The following CTU2 variants were observed in gnomAD, a reference collection of about 807,000 sequenced individuals.
CTU2 encodes the protein cytoplasmic tRNA 2-thiolation protein 2.
Under a neutral mutation model 64.1 loss-of-function variants are expected in CTU2, and 80 were observed. The observed-to-expected ratio is 1.25, with a 90% CI of 1.04 to 1.50. The LOEUF is 1.50. Among genes scored for constraint, CTU2 ranks in the 40% most tolerant of loss-of-function variants. The pLI is 0.00. For missense variants in CTU2, 1,110 were observed against 690.2 expected (o/e 1.61, Z -6.81); for synonymous variants, 482 against 285.3 (o/e 1.69, Z -6.95).
intron 8 of CTU2, 50 bp from the exon 9 acceptor site, chr16:88,713,597 C>T: frequency 1.3e-6 from 2 of 1,589,804 alleles, no homozygotes; most frequent in Non-Finnish European, 1.7e-6. Flanking sequence ...GGAGGAGGGG[C>T]AAGCACATTC....
chr16:88,710,555 C>T, intron 4 of CTU2: 1 of 483,544 alleles, frequency 2.1e-6, no homozygotes, highest in Admixed American at 3.7e-5. Flanking sequence ...GGCCCACTCT[C>T]AGATGTGTTT....
intron 4 of CTU2, 200 bp downstream of exon 4, chr16:88,710,482 C>T (rs1387149132): frequency 1.7e-6 from 1 of 587,518 alleles, no homozygotes. Context: ...GTGTGCGGCC[C>T]ACTCTCAGAT....
rs765531292 is a variant in CTU2, at chr16:88,712,763, G to A, written c.595G>A (p.Gly199Arg). 6.2e-7 allele frequency: 1 copy of A among 1,608,462 alleles called. No homozygotes were observed. Among genetic ancestry groups the A allele is most frequent in the African/African-American group, 1.3e-5 (1 of 74,752 alleles). The stretch of plus-strand genomic sequence containing the variant: ...CGGGGGTGGTCCTGGCCCGACTCAA[G>A]GGGAGGAACAGCCACCCCAGCCCCC... ...GAGGGPGPTQ[G>R]EEQPPQPPLD... Residue 199 changes from glycine (G) to arginine (R), a missense_variant, in exon 7 of 15, where the codon GGG (glycine) becomes AGG (arginine). Transcript: ENST00000453996.
rs201724248 is a variant in CTU2 at position 88,707,188 on chromosome 16, C to A, written c.121C>A (p.Arg41=). The A allele has an allele frequency of 1.2e-6, 2 of 1,613,812 alleles. No individual in the cohort carries two copies. Among genetic ancestry groups the A allele is most frequent in the African/African-American group, 1.3e-5 (1 of 74,946 alleles). ...CKEAQPVVVI[R]AGDAFCRDCF... ...GGAAGCGCAGCCCGTTGTGGTGATA[C>A]GAGCCGGAGATGCCTTCTGCAGGTG... is the stretch of plus-strand genomic sequence containing the variant. The change falls in exon 2 of 15, where the codon CGA becomes AGA. Residue 41 remains arginine (R), a synonymous_variant. Transcript: ENST00000453996.
At chr16:88,708,152 A>G (rs1192235614) in intron 2 of CTU2, among the ~76,000 whole-genome samples, 12 of 152,170 alleles carry the variant, frequency 7.9e-5, no homozygotes, top group Non-Finnish European at 1.5e-4. Flanking sequence ...AGCATCTGAA[A>G]TTGCCAAGAA....
chr16:88,707,782 G>A (rs1180569716), intron 2 of CTU2, among the ~76,000 whole-genome samples: 1 of 144,274 alleles, frequency 6.9e-6, no homozygotes, highest in African/African-American at 2.6e-5. Context: ...ATTCCCAGTG[G>A]TGGTGCGTGG....
rs201378312 is a variant in CTU2 at position 88,714,907 on chromosome 16, G to A, written c.1400G>A (p.Arg467His). Residue 467 changes from arginine to histidine, a missense_variant, in exon 13 of 15, where the codon CGC becomes CAC. Arg to His is a conservative substitution (Grantham distance 29, BLOSUM62 0). Coordinates refer to ENST00000453996, the MANE Select transcript of CTU2 (RefSeq NM_001012759.3). ...GAGGAGCAGCTGTGCTACAGCTGCCGCGTGAACATGAAGGACTTGGTGAGT... is the reference window on the plus strand; with the variant it reads ...GAGGAGCAGCTGTGCTACAGCTGCCACGTGAACATGAAGGACTTGGTGAGT... ...CIEEQLCYSC[R>H]VNMKDLPSLD... The A allele has an allele frequency of 8.0e-5, 129 of 1,612,638 alleles. No individual in the cohort carries two copies. Among genetic ancestry groups the A allele is most frequent in the Middle Eastern group, 3.3e-4 (2 of 6,048 alleles).
At chr16:88,708,729 T>G (rs1400882321) in intron 2 of CTU2, among the ~76,000 whole-genome samples, 2 of 151,996 alleles carry the variant, frequency 1.3e-5, no homozygotes, top group African/African-American at 2.4e-5. Context: ...GCACATCAAG[T>G]GTGTCTGACA....
Position 88,714,708 on chromosome 16 carries a change from C to A in CTU2, c.1323C>A (p.Ala441=), listed in dbSNP as rs763493869. 2 of 1,610,150 alleles carry A rather than the reference C, an allele frequency of 1.2e-6. No homozygotes were observed. Among genetic ancestry groups the A allele is most frequent in the Non-Finnish European group, 1.7e-6 (2 of 1,178,686 alleles). Residue 441 remains alanine (A), a synonymous_variant, in exon 12 of 15, where the codon GCC becomes GCA. Transcript: ENST00000453996. ...GCTGTTCTCCAGGGGTGGGCTGGGC[C>A]CAGCGCTGTGGCCAGGGGGCCTGCA... ...GPCCSPGVGW[A]QRCGQGACRR... is the part of the protein sequence containing the mutation.
Position 88,715,284 on chromosome 16 carries a change from G to A in CTU2, c.*33G>A, listed in dbSNP as rs751260286. On this transcript the variant is annotated 3_prime_UTR_variant, in exon 15 of 15. Transcript: ENST00000453996. The stretch of plus-strand genomic sequence containing the variant: ...GACGTGCTTGCCGGGACAGCAGGCA[G>A]TGGCCACCTGGTACACCACACTGGA... 4 of 1,602,642 alleles carry A rather than the reference G, an allele frequency of 2.5e-6. No homozygotes were observed. The highest frequency in any genetic ancestry group is 2.2e-5 in the East Asian group (1 of 44,726).
chr16:88,711,056 G>A (rs537203907), intron 4 of CTU2: 9 of 154,190 alleles, frequency 5.8e-5, no homozygotes, highest in African/African-American at 2.2e-4. Flanking sequence ...TGGTTGAGAG[G>A]AGAGGGGTCG....
intron 2 of CTU2, chr16:88,709,626 G>C (rs2142711124): frequency 2.5e-6 from 1 of 400,152 alleles, no homozygotes; most frequent in East Asian, 5.0e-5. Flanking sequence ...CACTCCACCA[G>C]CTGGGCCCTT....
In CTU2 at chr16:88,712,397, C is replaced by T. The variant is rs765455375; in HGVS notation, c.453+14C>T. On this transcript the variant is annotated intron_variant, in intron 6 of 14. Transcript: ENST00000453996. The stretch of plus-strand genomic sequence containing the variant: ...GCCTTAGAGGAGGTGGGAGGGCTGT[C>T]CCTGGAAAGGGGTCCCGGAGGTGAC... The T allele has an allele frequency of 8.8e-6, 14 of 1,585,072 alleles. No individual in the cohort carries two copies. Among genetic ancestry groups the T allele is most frequent in the East Asian group, 2.3e-5 (1 of 44,054 alleles).
intron 2 of CTU2, among the ~76,000 whole-genome samples, chr16:88,708,432 C>T (rs182277609): frequency 9.8e-5 from 15 of 152,290 alleles, no homozygotes; most frequent in East Asian, 1.9e-4. Context: ...GGACCCACCA[C>T]GCTTGAATCC....
Position 88,712,892 on chromosome 16 carries a change from C to T in CTU2, c.724C>T (p.Leu242=), listed in dbSNP as rs770222968. The T allele has an allele frequency of 7.2e-6, 11 of 1,523,284 alleles. No homozygotes were observed. The Admixed American group carries it at 1.4e-4, about 20-fold the overall frequency. 94.4% of individuals were successfully genotyped at this position (1,523,284 alleles called of 1,614,324 possible). A position where few individuals can be genotyped will look rare whatever the true frequency, so the allele number is the denominator to read the frequency against. ...VRTLTAKEEL[L]QTLRTHLILH... ...GACACTGACTGCCAAGGAGGAGCTT[C>T]TGCAGACCCTGCGGTGAGGCCCCGA... Residue 242 remains leucine, a synonymous_variant, in exon 7 of 15, where the codon CTG becomes TTG. Transcript: ENST00000453996.
At position 88,715,070 on chromosome 16, in the gene CTU2, C is replaced by T. The variant is rs201599898; in HGVS notation, c.1442C>T (p.Pro481Leu). ...KDLPSLDPLP[P>L]YILAEAQLRT... ...CAGCCCTCACTGGACCCCCTGCCGC[C>T]GTACATCCTGGCTGAGGCCCAGCTC... The change falls in exon 14 of 15, where the codon CCG (proline) becomes CTG (leucine). Residue 481 changes from proline (P) to leucine (L), a missense_variant. Pro to Leu is a moderately conservative substitution (Grantham distance 98). Transcript: ENST00000453996. 8.2e-5 allele frequency: 129 copies of T among 1,573,746 alleles called. 1 individual carries two copies. Among genetic ancestry groups the T allele is most frequent in the Middle Eastern group, 1.7e-4 (1 of 5,888 alleles).
intron 5 of CTU2, chr16:88,712,048 C>T (rs1190771183): frequency 3.0e-6 from 2 of 677,486 alleles, no homozygotes; most frequent in Non-Finnish European, 5.4e-6. Flanking sequence ...CTCCCCGACC[C>T]TTGCTCCTGC....
At chr16:88,710,176 C>T in intron 3 of CTU2, 47 bp from the exon 4 acceptor site, 2 of 1,608,324 alleles carry the variant, frequency 1.2e-6, no homozygotes, top group East Asian at 2.2e-5. Context: ...GGGGTGTCTG[C>T]CTGTGTTGGA....
At chr16:88,706,792 T>G (rs1185356336) in intron 1 of CTU2, 194 bp downstream of exon 1, 1 of 523,574 alleles carries the variant, frequency 1.9e-6, no homozygotes, top group Non-Finnish European at 3.3e-6. Flanking sequence ...CTCGCGCCTC[T>G]CATCCTAGCA....
Sources: gnomAD v4.1 joint callset for allele counts (sites outside exome capture counted in the v4.1 genomes callset) on GRCh38, gnomAD v4.1.1 for gene constraint, MANE v1.5 for transcripts, NCBI Gene and HGNC (gene_info 2026-07-23, HGNC 2026-07-21) for gene names.